Variants in GRIN2B observed in about 807,000 individuals in gnomAD.
The protein encoded by GRIN2B is glutamate ionotropic receptor NMDA type subunit 2B.
GRIN2B carries 5 observed loss-of-function variants against 114.5 expected under a neutral mutation model. That is an observed-to-expected ratio of 0.04 (90% CI 0.02 to 0.09). The LOEUF (loss-of-function observed/expected upper bound fraction) is 0.09, where lower values mean the gene tolerates loss of function less well. Ranked by LOEUF, GRIN2B falls within the 10% of genes least tolerant of loss-of-function variation. GRIN2B has a pLI of 1.00. For synonymous variants in GRIN2B, 787 were observed against 745.1 expected, an observed-to-expected ratio of 1.06 and a Z score of -0.92; for missense variants, 1,108 against 1,943.5, an observed-to-expected ratio of 0.57 and a Z score of 8.08.
intron 4 of GRIN2B, among the ~76,000 whole-genome samples, chr12:13,685,052 G>A (rs1950165237): frequency 6.6e-6 from 1 of 152,132 alleles, no homozygotes; most frequent in Non-Finnish European, 1.5e-5. Context: ...AAGGCCTACT[G>A]AGCATATGTA....
intron 4 of GRIN2B, among the ~76,000 whole-genome samples, chr12:13,732,153 C>A (rs907008566): frequency 6.6e-6 from 1 of 151,298 alleles, no homozygotes; most frequent in African/African-American, 2.4e-5. Context: ...ATGTTCATTA[C>A]CACACTTTTT....
chr12:13,746,494 T>A (rs1863386183), intron 4 of GRIN2B, among the ~76,000 whole-genome samples: 1 of 152,188 alleles, frequency 6.6e-6, no homozygotes, highest in Non-Finnish European at 1.5e-5. Context: ...ATTCCGTCTG[T>A]ATCTTCTTCC....
At chr12:13,568,243 G>A (rs1948666215) in intron 12 of GRIN2B, among the ~76,000 whole-genome samples, 2 of 152,118 alleles carry the variant, frequency 1.3e-5, no homozygotes, top group South Asian at 2.1e-4. Context: ...CAGACAAAAG[G>A]AAAGTAAAAG....
chr12:13,683,206 C>T (rs1950147327), intron 4 of GRIN2B, among the ~76,000 whole-genome samples: 1 of 152,044 alleles, frequency 6.6e-6, no homozygotes. Flanking sequence ...TGAAAAAAAT[C>T]TGGACAATGC....
At chr12:13,892,095 G>C (rs1202102324) in intron 2 of GRIN2B, among the ~76,000 whole-genome samples, 2 of 152,192 alleles carry the variant, frequency 1.3e-5, no homozygotes, top group African/African-American at 4.8e-5. Context: ...GTTAATAAAT[G>C]ACGGAGGCTA....
At chr12:13,658,805 A>T (rs1197902319) in intron 5 of GRIN2B, among the ~76,000 whole-genome samples, 1 of 143,556 alleles carries the variant, frequency 7.0e-6, no homozygotes, top group African/African-American at 2.6e-5. Flanking sequence ...CTTCCCAATG[A>T]TGCATGAATG....
intron 3 of GRIN2B, among the ~76,000 whole-genome samples, chr12:13,847,615 G>A (rs144700853): frequency 6.6e-6 from 1 of 152,030 alleles, no homozygotes; most frequent in African/African-American, 2.4e-5. Context: ...CACAGGAGAT[G>A]GGGGGGAGGA....
At chr12:13,695,861 G>T (rs1015722541) in intron 4 of GRIN2B, among the ~76,000 whole-genome samples, 3 of 152,072 alleles carry the variant, frequency 2.0e-5, no homozygotes, top group African/African-American at 7.2e-5. Flanking sequence ...CCCCAGTAGC[G>T]GAAATGATGA....
chr12:13,898,570 T>C (rs1026286328), intron 2 of GRIN2B, among the ~76,000 whole-genome samples: 59 of 152,336 alleles, frequency 3.9e-4, no homozygotes, highest in African/African-American at 1.4e-3. Flanking sequence ...GTGTGGTTCT[T>C]CCTTGTCTGC....
At chr12:13,712,159 C>T (rs1039116293) in intron 4 of GRIN2B, among the ~76,000 whole-genome samples, 5 of 141,984 alleles carry the variant, frequency 3.5e-5, no homozygotes, top group African/African-American at 1.3e-4. Context: ...TATTCTCACT[C>T]ATAGGTGGGA....
rs1948491825 is a variant in GRIN2B, at chr12:13,557,672, G to C, written c.*5111C>G. On this transcript the variant is annotated 3_prime_UTR_variant, in exon 14 of 14. Coordinates refer to ENST00000609686, the MANE Select transcript of GRIN2B (RefSeq NM_000834.5). Reference sequence around the variant, plus strand: ...GAGTCCTATTTAGGTGTCAAATGAGGCTTAAATAAAAGCAGGCGGAGGCCA... The same window carrying C: ...GAGTCCTATTTAGGTGTCAAATGAGCCTTAAATAAAAGCAGGCGGAGGCCA... 2 of 152,136 alleles carry C rather than the reference G, an allele frequency of 1.3e-5. No homozygotes were observed. The highest frequency in any genetic ancestry group is 2.9e-5 in the Non-Finnish European group (2 of 68,022). The allele number at this position is 152,136 out of a possible 1,614,324, so 9.4% of individuals were successfully genotyped here.
At position 13,675,737 on chromosome 12, in the gene GRIN2B, T is replaced by C; in HGVS notation, c.1125+8A>G. ...CTTTGCTCAAGAATTGTCAAAGACATGTCTTACCCTTTCCCACTTCCTCTC... is the reference window on the plus strand; with the variant it reads ...CTTTGCTCAAGAATTGTCAAAGACACGTCTTACCCTTTCCCACTTCCTCTC... On this transcript the variant is annotated splice_region_variant and intron_variant, in intron 5 of 13. Transcript: ENST00000609686. The C allele has an allele frequency of 1.3e-6, 2 of 1,511,272 alleles. No individual in the cohort carries two copies. The highest frequency in any genetic ancestry group is 2.2e-5 in the South Asian group (2 of 88,986). 93.6% of individuals were successfully genotyped at this position (1,511,272 alleles called of 1,614,324 possible).
At chr12:13,573,947 C>A (rs1948740189) in intron 10 of GRIN2B, among the ~76,000 whole-genome samples, 1 of 152,196 alleles carries the variant, frequency 6.6e-6, no homozygotes, top group African/African-American at 2.4e-5. Context: ...CTCTCTGACT[C>A]ATCACAGGGC....
At chr12:13,609,569 C>T (rs535215602) in intron 9 of GRIN2B, among the ~76,000 whole-genome samples, 2 of 152,144 alleles carry the variant, frequency 1.3e-5, no homozygotes, top group South Asian at 2.1e-4. Context: ...GTCAGGAGAT[C>T]GAGACCATCC....
At chr12:13,878,025 C>T (rs1422992025) in intron 2 of GRIN2B, among the ~76,000 whole-genome samples, 15 of 147,388 alleles carry the variant, frequency 1.0e-4, no homozygotes, top group African/African-American at 3.8e-4. Context: ...GATCGCACCA[C>T]TGCACTCCAG....
At chr12:13,703,192 T>C (rs1034661268) in intron 4 of GRIN2B, among the ~76,000 whole-genome samples, 2 of 152,192 alleles carry the variant, frequency 1.3e-5, no homozygotes, top group African/African-American at 4.8e-5. Context: ...GTTGGGCTTT[T>C]CTTTAAGTGA....
chr12:13,972,100 C>T (rs1315787847), intron 2 of GRIN2B, among the ~76,000 whole-genome samples: 1 of 152,190 alleles, frequency 6.6e-6, no homozygotes. Flanking sequence ...AATATGGCTT[C>T]GCATTAGAAT....
rs576374766 is a variant in GRIN2B, at chr12:13,948,243, G to GATCC, written c.-19+31684_-19+31685insGGAT. ...GCCTAAAGAAAGTCTCTGCCAGGGG[G>GATCC]GATCCTTGGGGTAAATGCTTTCTTT... On this transcript the variant is annotated intron_variant, in intron 2 of 13. Transcript: ENST00000609686. 6.9e-3 allele frequency among the ~76,000 whole-genome samples: 1,047 copies of GATCC among 152,224 alleles called. 10 individuals carry two copies. The highest frequency in any genetic ancestry group is 0.024 in the African/African-American group (1,014 of 41,532).
intron 2 of GRIN2B, among the ~76,000 whole-genome samples, chr12:13,902,887 AC>A (rs1281136325): frequency 3.9e-5 from 6 of 152,202 alleles, no homozygotes; most frequent in Admixed American, 3.9e-4. Flanking sequence ...TAAGCCTGGC[AC>A]ACTTTTTTAG....
Sources: allele counts gnomAD v4.1 joint callset (sites outside exome capture counted in the v4.1 genomes callset), GRCh38; gene constraint gnomAD v4.1.1; transcripts MANE v1.5; gene names NCBI Gene and HGNC (gene_info 2026-07-23, HGNC 2026-07-21).